Variants in EGLN1 observed in about 807,000 individuals in gnomAD.
The protein encoded by EGLN1 is egl-9 family hypoxia inducible factor 1.
In EGLN1, 17 loss-of-function variants were observed where a neutral mutation model predicts 38.3. That is an observed-to-expected ratio of 0.44 (90% CI 0.30 to 0.67). EGLN1 has a LOEUF of 0.67. Among genes scored for constraint, EGLN1 ranks in the 30% least tolerant of loss-of-function variants. The probability of loss-of-function intolerance (pLI) is 0.08; values close to 1 mark genes in which losing one functional copy is unlikely to be tolerated. For synonymous variants in EGLN1, 283 were observed against 257.5 expected (o/e 1.10, Z -0.95); for missense variants, 477 against 603.3 (o/e 0.79, Z 2.19).
At chr1:231,416,140 C>A (rs1175327106) in intron 1 of EGLN1, among the ~76,000 whole-genome samples, 1 of 151,776 alleles carries the variant, frequency 6.6e-6, no homozygotes, top group African/African-American at 2.4e-5. Flanking sequence ...CGTGAGCCAC[C>A]GCACCTGGCC....
At chr1:231,411,125 A>C (rs2491414) in intron 1 of EGLN1, among the ~76,000 whole-genome samples, 23,160 of 152,108 alleles carry the variant, frequency 0.15, 2,163 homozygotes, top group African/African-American at 0.25. Context: ...CAAATCTCAT[A>C]TTGAATTATA....
At chr1:231,410,460 A>G (rs1558395489) in intron 1 of EGLN1, among the ~76,000 whole-genome samples, 1 of 152,196 alleles carries the variant, frequency 6.6e-6, no homozygotes, top group Non-Finnish European at 1.5e-5. Flanking sequence ...GCAGCCTGTG[A>G]GAAATAGTGA....
chr1:231,369,971 T>C (rs2486745), intron 3 of EGLN1, among the ~76,000 whole-genome samples: 82,936 of 152,026 alleles, frequency 0.55, 24,237 homozygotes, highest in Non-Finnish European at 0.65. Flanking sequence ...AAGCACTAAA[T>C]ATAATAGGTT....
intron 1 of EGLN1, among the ~76,000 whole-genome samples, chr1:231,391,938 C>A (rs1410543109): frequency 6.6e-6 from 1 of 151,998 alleles, no homozygotes; most frequent in African/African-American, 2.4e-5. Context: ...TTTAAAAAAA[C>A]AAAAGAGTTC....
intron 1 of EGLN1, among the ~76,000 whole-genome samples, chr1:231,417,087 G>C (rs1251055147): frequency 6.6e-6 from 1 of 152,160 alleles, no homozygotes; most frequent in Non-Finnish European, 1.5e-5. Context: ...GTACTGATGA[G>C]GGCTCTCTTC....
chr1:231,409,816 T>C (rs549312690), intron 1 of EGLN1, among the ~76,000 whole-genome samples: 111 of 152,322 alleles, frequency 7.3e-4, no homozygotes, highest in Non-Finnish European at 2.4e-4. Context: ...TGTCCTCAAA[T>C]AGACCTATTG....
chr1:231,370,136 CT>C (rs1687778982), intron 3 of EGLN1, among the ~76,000 whole-genome samples: 1 of 152,188 alleles, frequency 6.6e-6, no homozygotes, highest in African/African-American at 2.4e-5. Flanking sequence ...CTGGTTACCT[CT>C]GATTTTTCTA....
At chr1:231,368,770 G>A (rs745595039) in intron 3 of EGLN1, among the ~76,000 whole-genome samples, 12 of 152,172 alleles carry the variant, frequency 7.9e-5, no homozygotes, top group Non-Finnish European at 1.8e-4. Flanking sequence ...GAAGTAAAGA[G>A]TCTGGGAGTT....
chr1:231,387,780 A>G (rs982865972), intron 1 of EGLN1, among the ~76,000 whole-genome samples: 2 of 152,190 alleles, frequency 1.3e-5, no homozygotes, highest in African/African-American at 4.8e-5. Flanking sequence ...CATCCCATCA[A>G]TATCTGTCAG....
intron 1 of EGLN1, among the ~76,000 whole-genome samples, chr1:231,415,676 A>G (rs1436530524): frequency 2.6e-5 from 4 of 152,212 alleles, no homozygotes; most frequent in Non-Finnish European, 5.9e-5. Context: ...GAAACATTAT[A>G]TGTTCACCTC....
chr1:231,408,146 G>A (rs1367002368), intron 1 of EGLN1, among the ~76,000 whole-genome samples: 1 of 152,184 alleles, frequency 6.6e-6, no homozygotes, highest in African/African-American at 2.4e-5. Flanking sequence ...AGGTATAAAA[G>A]GTTTTTGAGA....
Position 231,421,619 on chromosome 1 carries a change from G to T in EGLN1, c.270C>A (p.Ala90=). ...PAAVPPPRAG[A]REPRKAAARR... is the part of the protein sequence containing the mutation. ...GCGCCGCTGCCTTCCTGGGCTCCCGGGCCCCGGCCCTGGGCGGCGGCACTG... is the reference window on the plus strand; with the variant it reads ...GCGCCGCTGCCTTCCTGGGCTCCCGTGCCCCGGCCCTGGGCGGCGGCACTG... The change falls in exon 1 of 5, where the codon GCC becomes GCA. Residue 90 remains alanine, a synonymous_variant. Coordinates refer to ENST00000366641, the MANE Select transcript of EGLN1 (RefSeq NM_022051.3). This position sits in a 1 kb window ranked among gnomAD's most constrained non-coding sequence, Gnocchi z 5.5. The T allele has an allele frequency of 7.3e-7, 1 of 1,367,182 alleles. No individual in the cohort carries two copies. Among genetic ancestry groups the T allele is most frequent in the African/African-American group, 1.5e-5 (1 of 65,592 alleles). The allele number at this position is 1,367,182 out of a possible 1,614,324, so 84.7% of individuals were successfully genotyped here.
chr1:231,383,085 A>C (rs995131379), intron 1 of EGLN1, among the ~76,000 whole-genome samples: 5 of 141,190 alleles, frequency 3.5e-5, no homozygotes, highest in African/African-American at 5.1e-5. Context: ...AAAAAAAAAA[A>C]AGGTGCTTGT....
At chr1:231,400,375 A>G (rs1481823748) in intron 1 of EGLN1, among the ~76,000 whole-genome samples, 1 of 152,164 alleles carries the variant, frequency 6.6e-6, no homozygotes, top group Non-Finnish European at 1.5e-5. Context: ...TCTCTGATTC[A>G]GAAGATCTGT....
intron 1 of EGLN1, among the ~76,000 whole-genome samples, chr1:231,380,895 A>G (rs1193501506): frequency 6.6e-6 from 1 of 151,930 alleles, no homozygotes; most frequent in African/African-American, 2.4e-5. Context: ...CCACTTTTCT[A>G]CTGGGTTAAT....
At chr1:231,381,058 T>C (rs1243162218) in intron 1 of EGLN1, among the ~76,000 whole-genome samples, 1 of 152,068 alleles carries the variant, frequency 6.6e-6, no homozygotes, top group East Asian at 1.9e-4. Context: ...AGGTACACGC[T>C]ACCACACCTG....
chr1:231,405,339 C>T (rs1011088298), intron 1 of EGLN1, among the ~76,000 whole-genome samples: 16 of 151,894 alleles, frequency 1.1e-4, no homozygotes, highest in Admixed American at 3.3e-4. Flanking sequence ...GCCACCATGC[C>T]CGGCTTTTTT....
intron 1 of EGLN1, among the ~76,000 whole-genome samples, chr1:231,382,679 G>T (rs1688103285): frequency 6.6e-6 from 1 of 152,112 alleles, no homozygotes; most frequent in Non-Finnish European, 1.5e-5. Context: ...TCCCCATAAA[G>T]GAATTCTGTT....
At chr1:231,401,796 C>T (rs1260903235) in intron 1 of EGLN1, among the ~76,000 whole-genome samples, 1 of 152,108 alleles carries the variant, frequency 6.6e-6, no homozygotes, top group Non-Finnish European at 1.5e-5. Context: ...TTTGTATGAA[C>T]GTGTTTTCAC....
Sources: allele counts gnomAD v4.1 joint callset (sites outside exome capture counted in the v4.1 genomes callset), GRCh38; gene constraint gnomAD v4.1.1; non-coding constraint Gnocchi (gnomAD v3.1); transcripts MANE v1.5; gene names NCBI Gene and HGNC (gene_info 2026-07-23, HGNC 2026-07-21).